The following ZMIZ1 variants were observed in gnomAD, a reference collection of about 807,000 sequenced individuals.
The protein encoded by ZMIZ1 is zinc finger MIZ domain-containing protein 1.
A neutral mutation model predicts 113.9 loss-of-function variants in ZMIZ1; 17 were observed. The observed-to-expected ratio is 0.15, with a 90% CI of 0.10 to 0.22. The LOEUF is 0.22. Among genes scored for constraint, ZMIZ1 ranks in the 10% least tolerant of loss-of-function variants. The pLI is 1.00. For synonymous variants in ZMIZ1, 607 were observed against 603.1 expected (o/e 1.01, Z -0.09); for missense variants, 1,059 against 1,477.8 (o/e 0.72, Z 4.65).
At position 79,298,438 on chromosome 10, in the gene ZMIZ1, C is replaced by T. The variant is rs754472329; in HGVS notation, c.1524C>T (p.Pro508=). 2.0e-5 allele frequency: 32 copies of T among 1,610,166 alleles called. No individual in the cohort carries two copies. The South Asian group carries it at 3.4e-4, about 17-fold the overall frequency. ...GGCCGGTTCCTGTGGCAAATTACCC[C>T]CACTCACCTGTTCCAGGGAACCCCA... ...PPRPVPVANY[P]HSPVPGNPTP... is the part of the protein sequence containing the mutation. The change falls in exon 15 of 25, where the codon CCC becomes CCT. Residue 508 remains proline, a synonymous_variant. Transcript: ENST00000334512.
chr10:79,207,920 C>A (rs1240402712), intron 5 of ZMIZ1, among the ~76,000 whole-genome samples: 1 of 151,748 alleles, frequency 6.6e-6, no homozygotes, highest in Non-Finnish European at 1.5e-5. Context: ...ACTCCCGGAA[C>A]CCTGCAGGGA....
chr10:79,300,585 C>G, intron 16 of ZMIZ1, 147 bp from the exon 17 acceptor site: 1 of 1,040,594 alleles, frequency 9.6e-7, no homozygotes, highest in South Asian at 1.6e-5. Context: ...AGAACTCAGG[C>G]TGGGGGAATC....
At chr10:79,299,805 G>C (rs960275641) in intron 16 of ZMIZ1, among the ~76,000 whole-genome samples, 2 of 152,244 alleles carry the variant, frequency 1.3e-5, no homozygotes, top group African/African-American at 2.4e-5. Context: ...GAATTGGCTT[G>C]TGTGAGTTCT....
In ZMIZ1 at chr10:79,169,315, C is replaced by T. The variant is rs192327108; in HGVS notation, c.-50+7182C>T. On this transcript the variant is annotated intron_variant, in intron 4 of 24. Coordinates refer to ENST00000334512, the MANE Select transcript of ZMIZ1 (RefSeq NM_020338.4). ...CCCCCTGTGCTTCGTTGCCTCTGCC[C>T]CCAGCAATTCCCTCTCAGGTAGGGG... is the stretch of plus-strand genomic sequence containing the variant. Among the ~76,000 whole-genome samples, 11 of 152,354 alleles carry T rather than the reference C, an allele frequency of 7.2e-5. 1 individual carries two copies. The East Asian group carries it at 9.6e-4, about 13-fold the overall frequency.
At chr10:79,257,544 C>T (rs1199931450) in intron 7 of ZMIZ1, among the ~76,000 whole-genome samples, 1 of 152,214 alleles carries the variant, frequency 6.6e-6, no homozygotes. Context: ...TTGGGGTGAC[C>T]CTGTGCCTGG....
At chr10:79,184,297 C>T (rs530229682) in intron 4 of ZMIZ1, among the ~76,000 whole-genome samples, 1 of 152,338 alleles carries the variant, frequency 6.6e-6, no homozygotes, top group East Asian at 1.9e-4. Flanking sequence ...CACCCCTCTC[C>T]CGATGTGCAC....
At chr10:79,127,218 G>A (rs1844554346) in intron 2 of ZMIZ1, among the ~76,000 whole-genome samples, 1 of 152,176 alleles carries the variant, frequency 6.6e-6, no homozygotes, top group Non-Finnish European at 1.5e-5. Context: ...CGGCGCTCTG[G>A]GTGCCTGGTG....
chr10:79,102,242 C>T (rs529653936), intron 1 of ZMIZ1, among the ~76,000 whole-genome samples: 9 of 152,370 alleles, frequency 5.9e-5, no homozygotes, highest in East Asian at 1.9e-4. Context: ...CAGTGGGGAA[C>T]GCAGCCTGTA....
rs963224901 is a variant in ZMIZ1 at position 79,069,092 on chromosome 10, C to G, written c.-515C>G. ...AGGCGGGCGAGCAGCGATCGGGCGGCCGAGCGAGCGAGCAACGCCGGCGCA... is the reference window on the plus strand; with the variant it reads ...AGGCGGGCGAGCAGCGATCGGGCGGGCGAGCGAGCGAGCAACGCCGGCGCA... On this transcript the variant is annotated 5_prime_UTR_variant, in exon 1 of 25. Transcript: ENST00000334512. This position sits in a 1 kb window ranked among gnomAD's most constrained non-coding sequence, Gnocchi z 4.6. The G allele has an allele frequency of 1.3e-5, 2 of 150,764 alleles. No individual in the cohort carries two copies. Among genetic ancestry groups the G allele is most frequent in the Non-Finnish European group, 3.0e-5 (2 of 67,418 alleles). The allele number at this position is 150,764 out of a possible 1,614,324, so 9.3% of individuals were successfully genotyped here. A position where few individuals can be genotyped will look rare whatever the true frequency, so the allele number is the denominator to read the frequency against.
At chr10:79,272,157 A>G (rs1809635878) in intron 7 of ZMIZ1, among the ~76,000 whole-genome samples, 1 of 152,112 alleles carries the variant, frequency 6.6e-6, no homozygotes, top group Non-Finnish European at 1.5e-5. Flanking sequence ...GTGATGGTGC[A>G]CAACTGTAGT....
At chr10:79,244,933 G>A (rs1368718858) in intron 7 of ZMIZ1, among the ~76,000 whole-genome samples, 3 of 152,184 alleles carry the variant, frequency 2.0e-5, no homozygotes, top group Non-Finnish European at 2.9e-5. Flanking sequence ...CAGGGGTTGC[G>A]TGGAAGGGTG....
chr10:79,119,365 G>A (rs1485075476), intron 2 of ZMIZ1, among the ~76,000 whole-genome samples: 2 of 152,178 alleles, frequency 1.3e-5, no homozygotes, highest in African/African-American at 4.8e-5. Flanking sequence ...AACCCGACAA[G>A]CACTTAACTG....
intron 6 of ZMIZ1, 81 bp from the exon 7 acceptor site, chr10:79,216,079 GCCCACCTCA>G: frequency 1.2e-6 from 1 of 860,688 alleles, no homozygotes; most frequent in Non-Finnish European, 1.7e-6. Context: ...GCCTTAGCTT[GCCCACCTCA>G]CCCACTTCAC....
intron 7 of ZMIZ1, among the ~76,000 whole-genome samples, chr10:79,231,736 G>A (rs779930693): frequency 1.8e-4 from 28 of 151,926 alleles, no homozygotes; most frequent in Non-Finnish European, 3.1e-4. Context: ...ACGCCACCAC[G>A]CCTGGCTAAA....
At chr10:79,122,510 T>C (rs747311844) in intron 2 of ZMIZ1, among the ~76,000 whole-genome samples, 1 of 152,174 alleles carries the variant, frequency 6.6e-6, no homozygotes, top group Non-Finnish European at 1.5e-5. Flanking sequence ...CTGTCTGGAC[T>C]GCTCCTTGCC....
intron 7 of ZMIZ1, among the ~76,000 whole-genome samples, chr10:79,248,861 G>T (rs1038641776): frequency 2.0e-5 from 3 of 152,148 alleles, no homozygotes; most frequent in Non-Finnish European, 4.4e-5. Context: ...TGGAGTGGAT[G>T]GGTGCCAGCG....
At chr10:79,201,547 G>A in intron 4 of ZMIZ1, 37 bp from the exon 5 acceptor site, 1 of 1,511,906 alleles carries the variant, frequency 6.6e-7, no homozygotes, top group African/African-American at 1.4e-5. Context: ...GGCAGGCCTG[G>A]CGTGATCCAG....
chr10:79,217,381 C>T (rs1189341991), intron 7 of ZMIZ1, among the ~76,000 whole-genome samples: 14 of 151,948 alleles, frequency 9.2e-5, no homozygotes, highest in African/African-American at 3.1e-4. Context: ...ACCGAGATCG[C>T]GCCACTGCAC....
At chr10:79,301,789 G>C (rs1158982325) in intron 17 of ZMIZ1, among the ~76,000 whole-genome samples, 1 of 152,102 alleles carries the variant, frequency 6.6e-6, no homozygotes, top group African/African-American at 2.4e-5. Context: ...TGAGCACCCT[G>C]GCAGGAAGGG....
Sources: allele counts gnomAD v4.1 joint callset (sites outside exome capture counted in the v4.1 genomes callset), GRCh38; gene constraint gnomAD v4.1.1; non-coding constraint Gnocchi (gnomAD v3.1); transcripts MANE v1.5; gene names NCBI Gene and HGNC (gene_info 2026-07-23, HGNC 2026-07-21).